Variants in GRIK2 observed in about 807,000 individuals in gnomAD.
The protein encoded by GRIK2 is glutamate receptor ionotropic, kainate 2.
In GRIK2, 32 loss-of-function variants were observed where a neutral mutation model predicts 100.3. The ratio of observed to expected loss-of-function variants is 0.32; its 90% CI spans 0.24 to 0.43. GRIK2 has a LOEUF of 0.43. GRIK2 is among the 20% of genes least tolerant of loss of function. The pLI is 1.00. For missense variants in GRIK2, 843 were observed against 1,114.9 expected, an observed-to-expected ratio of 0.76 and a Z score of 3.47; for synonymous variants, 417 against 389.4, an observed-to-expected ratio of 1.07 and a Z score of -0.83.
intron 15 of GRIK2, among the ~76,000 whole-genome samples, chr6:102,041,148 A>G (rs1403694879): frequency 6.6e-6 from 1 of 151,624 alleles, no homozygotes; most frequent in Non-Finnish European, 1.5e-5. Flanking sequence ...TGCATGCTAC[A>G]ATCTAGGAGG....
intron 14 of GRIK2, among the ~76,000 whole-genome samples, chr6:101,978,556 C>A (rs1042071679): frequency 6.6e-6 from 1 of 151,766 alleles, no homozygotes; most frequent in Admixed American, 6.6e-5. Context: ...TCTTTAATAT[C>A]TTGTGTCATA....
intron 2 of GRIK2, among the ~76,000 whole-genome samples, chr6:101,510,461 C>T (rs1379792467): frequency 1.4e-5 from 2 of 147,458 alleles, no homozygotes; most frequent in Admixed American, 6.8e-5. Context: ...GTTGTATTGG[C>T]TCACAATCAT....
intron 7 of GRIK2, among the ~76,000 whole-genome samples, chr6:101,799,053 C>T (rs1486218741): frequency 6.6e-6 from 1 of 152,020 alleles, no homozygotes; most frequent in Non-Finnish European, 1.5e-5. Context: ...AGATTCAAAA[C>T]TACCATCATT....
rs186041535 is a variant in GRIK2, at chr6:101,410,734, C to T, written c.115+11342C>T. Among the ~76,000 whole-genome samples, 409 of 152,108 alleles carry T rather than the reference C, an allele frequency of 2.7e-3. 1 individual carries two copies. Among genetic ancestry groups the T allele is most frequent in the Non-Finnish European group, 4.8e-3 (325 of 67,948 alleles). On this transcript the variant is annotated intron_variant, in intron 2 of 16. Coordinates refer to ENST00000369134, the MANE Select transcript of GRIK2 (RefSeq NM_021956.5). ...AAATACTCTGTACACAAAATCCCAG[C>T]GACATGCAATTTACCTGTATTACAA... is the stretch of plus-strand genomic sequence containing the variant.
rs762633014 is a variant in GRIK2 at position 101,761,769 on chromosome 6, TTCCC to T, written c.952-37857_952-37854del. Among the ~76,000 whole-genome samples the T allele has an allele frequency of 2.9e-3, 356 of 122,968 alleles. 2 individuals carry two copies. The highest frequency in any genetic ancestry group is 7.3e-3 in the Admixed American group (89 of 12,232). 80.7% of individuals were successfully genotyped at this position (122,968 alleles called of 152,430 possible). A position where few individuals can be genotyped will look rare whatever the true frequency, so the allele number is the denominator to read the frequency against. On this transcript the variant is annotated intron_variant, in intron 7 of 16. Transcript: ENST00000369134. ...TCAGATTTTACAATAATGCCCCCATTTCCCTCCCTCCCTCCCTCCCTCCCTTCCT... is the reference window on the plus strand; with the variant it reads ...TCAGATTTTACAATAATGCCCCCATTTCCCTCCCTCCCTCCCTCCCTTCCT...
intron 7 of GRIK2, among the ~76,000 whole-genome samples, chr6:101,722,279 T>C (rs1774536380): frequency 6.6e-6 from 1 of 152,016 alleles, no homozygotes; most frequent in South Asian, 2.1e-4. Context: ...TACTAAATCT[T>C]TCTATTAGGT....
chr6:101,972,729 G>A (rs1793127692), intron 14 of GRIK2, among the ~76,000 whole-genome samples: 1 of 151,768 alleles, frequency 6.6e-6, no homozygotes, highest in Non-Finnish European at 1.5e-5. Context: ...TATATATGGT[G>A]AAAGGTAGGA....
intron 9 of GRIK2, among the ~76,000 whole-genome samples, chr6:101,812,971 C>A (rs1042957093): frequency 6.6e-6 from 1 of 151,816 alleles, no homozygotes; most frequent in Middle Eastern, 3.4e-3. Flanking sequence ...CATTGTTTCT[C>A]TCTCTTTCTA....
At chr6:101,926,820 C>T (rs535733255) in intron 13 of GRIK2, among the ~76,000 whole-genome samples, 8 of 152,134 alleles carry the variant, frequency 5.3e-5, no homozygotes, top group Non-Finnish European at 1.0e-4. Flanking sequence ...AGGAGGTACT[C>T]GCTTTAAGTC....
rs1771154949 is a variant in GRIK2, at chr6:101,459,027, A to G, written c.115+59635A>G. On this transcript the variant is annotated intron_variant, in intron 2 of 16. Transcript: ENST00000369134. Reference sequence around the variant, plus strand: ...AAATTTTTGTTTTGAAAAAAGTTGGAGTAATAATGGGGGAAAAATTCTCTG... The same window carrying G: ...AAATTTTTGTTTTGAAAAAAGTTGGGGTAATAATGGGGGAAAAATTCTCTG... Among the ~76,000 whole-genome samples, 3 of 152,134 alleles carry G rather than the reference A, an allele frequency of 2.0e-5. No homozygotes were observed. In the South Asian group the frequency reaches 6.2e-4, roughly 32 times the overall value.
At chr6:101,897,788 T>G (rs1174864937) in intron 12 of GRIK2, among the ~76,000 whole-genome samples, 1 of 151,866 alleles carries the variant, frequency 6.6e-6, no homozygotes, top group African/African-American at 2.4e-5. Context: ...AGGAGTACTG[T>G]GCTCATAAAA....
At chr6:101,823,452 C>T (rs1308590659) in intron 10 of GRIK2, among the ~76,000 whole-genome samples, 1 of 115,084 alleles carries the variant, frequency 8.7e-6, no homozygotes, top group East Asian at 5.9e-4. Context: ...TCTATTTATG[C>T]CCTAATTTTA....
At chr6:101,890,602 A>G (rs1277876467) in intron 12 of GRIK2, among the ~76,000 whole-genome samples, 1 of 152,034 alleles carries the variant, frequency 6.6e-6, no homozygotes, top group Non-Finnish European at 1.5e-5. Flanking sequence ...GCCTAAATGA[A>G]AAATATATAA....
chr6:101,504,082 T>C (rs1773903695), intron 2 of GRIK2, among the ~76,000 whole-genome samples: 1 of 152,200 alleles, frequency 6.6e-6, no homozygotes, highest in Non-Finnish European at 1.5e-5. Flanking sequence ...CATATCAATA[T>C]AATATGTATA....
chr6:101,679,676 T>C (rs1771096802), intron 5 of GRIK2, among the ~76,000 whole-genome samples: 1 of 152,234 alleles, frequency 6.6e-6, no homozygotes, highest in Non-Finnish European at 1.5e-5. Flanking sequence ...CTGTTGTTCA[T>C]TCTTTTTGAG....
chr6:101,955,430 T>C (rs1041512106), intron 14 of GRIK2, among the ~76,000 whole-genome samples: 2 of 152,090 alleles, frequency 1.3e-5, no homozygotes, highest in Non-Finnish European at 1.5e-5. Flanking sequence ...AGCAGGAAGT[T>C]TGCTTGAATC....
intron 7 of GRIK2, chr6:101,744,539 T>TATATATATATACAC (rs1776278141): frequency 8.1e-6 from 1 of 123,056 alleles, no homozygotes; most frequent in Non-Finnish European, 1.7e-5. Context: ...TATATATATA[T>TATATATATATACAC]ATATATATAT....
At chr6:101,921,231 A>T (rs892764327) in intron 12 of GRIK2, among the ~76,000 whole-genome samples, 1 of 151,848 alleles carries the variant, frequency 6.6e-6, no homozygotes, top group Non-Finnish European at 1.5e-5. Context: ...TCATTTAAGG[A>T]TGCTGGCAGG....
chr6:101,562,361 C>T (rs559887324), intron 2 of GRIK2, among the ~76,000 whole-genome samples: 20 of 152,150 alleles, frequency 1.3e-4, no homozygotes, highest in Non-Finnish European at 2.4e-4. Flanking sequence ...TTTTCTGAGA[C>T]GGAGTCTCAC....
Sources: allele counts gnomAD v4.1 joint callset (sites outside exome capture counted in the v4.1 genomes callset), GRCh38; gene constraint gnomAD v4.1.1; transcripts MANE v1.5; gene names NCBI Gene and HGNC (gene_info 2026-07-23, HGNC 2026-07-21).